Variants in NRM observed in about 807,000 individuals in gnomAD.
NRM encodes nuclear rim protein.
NRM carries 19 observed loss-of-function variants against 23.4 expected under a neutral mutation model. That is an observed-to-expected ratio of 0.81 (90% confidence interval 0.57 to 1.19). The LOEUF is 1.19. Ranked by LOEUF, NRM falls within the 50% of genes most tolerant of loss-of-function variation. NRM has a pLI of 0.00. For synonymous variants in NRM, 140 were observed against 143.5 expected (o/e 0.98, Z 0.17); for missense variants, 232 against 329.7 (o/e 0.70, Z 2.30).
rs1771477929 is a variant in NRM, at chr6:30,690,308, T to C, written c.134-65A>G. ...CAGTGGCAGAATGTTTCCCCCACCC[T>C]CATCTCCTCTTGGATCCCCAGGCCA... On this transcript the variant is annotated intron_variant, in intron 1 of 3. Coordinates refer to ENST00000376421, the MANE Select transcript of NRM (RefSeq NM_001384369.1). The surrounding 1 kb of genome is among the most constrained non-coding windows in gnomAD (Gnocchi z 5.5). 2.9e-6 allele frequency: 4 copies of C among 1,395,026 alleles called. No individual in the cohort carries two copies. In the East Asian group the frequency reaches 7.1e-5, roughly 25 times the overall value. 86.4% of individuals were successfully genotyped at this position (1,395,026 alleles called of 1,614,324 possible).
chr6:30,690,320 G>A lies in NRM; in HGVS notation c.134-77C>T. 1 of 1,307,766 alleles carries A rather than the reference G, an allele frequency of 7.6e-7. No individual in the cohort carries two copies. The allele number at this position is 1,307,766 out of a possible 1,614,324, so 81.0% of individuals were successfully genotyped here. On this transcript the variant is annotated intron_variant, in intron 1 of 3. Coordinates refer to ENST00000376421, the MANE Select transcript of NRM (RefSeq NM_001384369.1). This position sits in a 1 kb window ranked among gnomAD's most constrained non-coding sequence, Gnocchi z 5.5. ...GTTTCCCCCACCCTCATCTCCTCTT[G>A]GATCCCCAGGCCATGTCCCTTACTG...
rs2127627336 is a variant in NRM at position 30,690,658 on chromosome 6, T to G, written c.133+184A>C. 1 of 1,596,804 alleles carries G rather than the reference T, an allele frequency of 6.3e-7. No homozygotes were observed. Among genetic ancestry groups the G allele is most frequent in the Middle Eastern group, 1.7e-4 (1 of 6,028 alleles). On this transcript the variant is annotated intron_variant, in intron 1 of 3. Transcript: ENST00000376421. The surrounding 1 kb of genome is among the most constrained non-coding windows in gnomAD (Gnocchi z 5.5). ...CCTCACTCTCCCGCCTCTCCAAAAC[T>G]CTAATCCTTGAGTTCCTAATTTAGA...
At position 30,690,055 on chromosome 6, in the gene NRM, C is replaced by T; in HGVS notation, c.322G>A (p.Ala108Thr). The T allele has an allele frequency of 6.2e-7, 1 of 1,608,356 alleles. No individual in the cohort carries two copies. The highest frequency in any genetic ancestry group is 8.5e-7 in the Non-Finnish European group (1 of 1,178,464). Residue 108 changes from alanine (A) to threonine (T), a missense_variant, in exon 2 of 4, where the codon GCC becomes ACC. Physicochemically the swap from Ala to Thr is moderately conservative, Grantham distance 58. Coordinates refer to ENST00000376421, the MANE Select transcript of NRM (RefSeq NM_001384369.1). This position sits in a 1 kb window ranked among gnomAD's most constrained non-coding sequence, Gnocchi z 5.5. ...RSLYVACTALALQLVMRYWEP... is the reference protein window; with the variant it reads ...RSLYVACTALTLQLVMRYWEP... Reference sequence around the variant, plus strand: ...AGGCCAGGGCCTCATACCTGCAAGGCCAGGGCAGTGCAGGCCACATACAGT... The same window carrying T: ...AGGCCAGGGCCTCATACCTGCAAGGTCAGGGCAGTGCAGGCCACATACAGT...
Position 30,689,464 on chromosome 6 carries a change from T to C in NRM, c.331-12A>G. 6.4e-7 allele frequency: 1 copy of C among 1,561,446 alleles called. No individual in the cohort carries two copies. Among genetic ancestry groups the C allele is most frequent in the East Asian group, 2.4e-5 (1 of 41,770 alleles). On this transcript the variant is annotated splice_polypyrimidine_tract_variant and intron_variant, in intron 2 of 3. Coordinates refer to ENST00000376421, the MANE Select transcript of NRM (RefSeq NM_001384369.1). This position sits in a 1 kb window ranked among gnomAD's most constrained non-coding sequence, Gnocchi z 4.7. ...TACCGCATCACCAGCTGTGGAAGGA[T>C]AAGGGGCTGGGTATCCCAGTGGCCT... is the stretch of plus-strand genomic sequence containing the variant.
At position 30,690,465 on chromosome 6, in the gene NRM, C is replaced by T; in HGVS notation, c.134-222G>A. ...GGGGAAGAGGATTTATAGAACACCA[C>T]ATGTTAGGCAGTTGCAAAAAGCATG... On this transcript the variant is annotated intron_variant, in intron 1 of 3. Coordinates refer to ENST00000376421, the MANE Select transcript of NRM (RefSeq NM_001384369.1). The surrounding 1 kb of genome is among the most constrained non-coding windows in gnomAD (Gnocchi z 5.5). The T allele has an allele frequency of 7.7e-7, 1 of 1,302,412 alleles. No individual in the cohort carries two copies. 80.7% of individuals were successfully genotyped at this position (1,302,412 alleles called of 1,614,324 possible). A position where few individuals can be genotyped will look rare whatever the true frequency, so the allele number is the denominator to read the frequency against.
Position 30,690,812 on chromosome 6 carries a change from C to T in NRM, c.133+30G>A. The T allele has an allele frequency of 6.2e-7, 1 of 1,613,024 alleles. No homozygotes were observed. Among genetic ancestry groups the T allele is most frequent in the Non-Finnish European group, 8.5e-7 (1 of 1,179,974 alleles). ...TCTCCTACGGCTCCACCTTCCTCCT[C>T]CCAGTTCATCCTCGATCCCTCCCGC... On this transcript the variant is annotated intron_variant, in intron 1 of 3. Transcript: ENST00000376421. The surrounding 1 kb of genome is among the most constrained non-coding windows in gnomAD (Gnocchi z 5.5).
Position 30,690,250 on chromosome 6 carries a change from GA to G in NRM, c.134-8del. ...AGCCATCCCTGGCGGGCATCTACAG[GA>G]AGTTGAGGGAAAAAGAGACAAAAGA... On this transcript the variant is annotated splice_polypyrimidine_tract_variant and splice_region_variant and intron_variant, in intron 1 of 3. Transcript: ENST00000376421. The surrounding 1 kb of genome is among the most constrained non-coding windows in gnomAD (Gnocchi z 5.5). The G allele has an allele frequency of 6.4e-6, 10 of 1,564,454 alleles. No individual in the cohort carries two copies. Among genetic ancestry groups the G allele is most frequent in the Non-Finnish European group, 8.6e-6 (10 of 1,162,768 alleles).
At position 30,688,885 on chromosome 6, in the gene NRM, G is replaced by A; in HGVS notation, c.565C>T (p.Leu189Phe). The change falls in exon 4 of 4, where the codon CTC becomes TTC. Residue 189 changes from leucine (L) to phenylalanine (F), a missense_variant. Coordinates refer to ENST00000376421, the MANE Select transcript of NRM (RefSeq NM_001384369.1). This position sits in a 1 kb window ranked among gnomAD's most constrained non-coding sequence, Gnocchi z 5.9. ...EPLALKSPRA[L>F]RLFSHLRHPV... ...TGGCGCAGGTGGGAGAAGAGTCTGA[G>A]AGCCCGGGGAGACTTCAGGGCCAGA... 6.2e-7 allele frequency: 1 copy of A among 1,613,858 alleles called. No individual in the cohort carries two copies. Among genetic ancestry groups the A allele is most frequent in the Non-Finnish European group, 8.5e-7 (1 of 1,179,986 alleles).
Position 30,688,979 on chromosome 6 carries a change from C to G in NRM, c.508-37G>C, listed in dbSNP as rs1445620610. On this transcript the variant is annotated intron_variant, in intron 3 of 3. Coordinates refer to ENST00000376421, the MANE Select transcript of NRM (RefSeq NM_001384369.1). The surrounding 1 kb of genome is among the most constrained non-coding windows in gnomAD (Gnocchi z 5.9). ...AGAAGAGCTTAGAAATGGAGTCAAGCCCTTTTCTCATCTTGGGCACTTCTT... is the reference window on the plus strand; with the variant it reads ...AGAAGAGCTTAGAAATGGAGTCAAGGCCTTTTCTCATCTTGGGCACTTCTT... 1 of 1,583,566 alleles carries G rather than the reference C, an allele frequency of 6.3e-7. No homozygotes were observed. Among genetic ancestry groups the G allele is most frequent in the Non-Finnish European group, 8.6e-7 (1 of 1,163,894 alleles).
rs1376084836 is a variant in NRM at position 30,689,813 on chromosome 6, TAAAC to T, written c.330+230_330+233del. Among the ~76,000 whole-genome samples, 2 of 152,096 alleles carry T rather than the reference TAAAC, an allele frequency of 1.3e-5. No homozygotes were observed. The highest frequency in any genetic ancestry group is 6.6e-5 in the Admixed American group (1 of 15,262). ...AAGAGAAGGGATCTCAAGCAGGACA[TAAAC>T]AAAGTTGCAGAGGTGAGAAGCATAT... On this transcript the variant is annotated intron_variant, in intron 2 of 3. Transcript: ENST00000376421. The surrounding 1 kb of genome is among the most constrained non-coding windows in gnomAD (Gnocchi z 4.7).
rs1266430353 is a variant in NRM, at chr6:30,688,460, T to A, written c.*201A>T. ...CCCACTCTTCCTTGCTGGTGAGAAG[T>A]GGACCTTGGAGTTCAGTGGCTGAAA... On this transcript the variant is annotated 3_prime_UTR_variant, in exon 4 of 4. Transcript: ENST00000376421. The surrounding 1 kb of genome is among the most constrained non-coding windows in gnomAD (Gnocchi z 5.9). 8.0e-6 allele frequency: 5 copies of A among 623,600 alleles called. No homozygotes were observed. The highest frequency in any genetic ancestry group is 1.4e-5 in the Non-Finnish European group (5 of 358,482). 38.6% of individuals were successfully genotyped at this position (623,600 alleles called of 1,614,324 possible). A position where few individuals can be genotyped will look rare whatever the true frequency, so the allele number is the denominator to read the frequency against.
At position 30,688,600 on chromosome 6, in the gene NRM, T is replaced by G; in HGVS notation, c.*61A>C. The G allele has an allele frequency of 1.3e-6, 2 of 1,559,066 alleles. No individual in the cohort carries two copies. Among genetic ancestry groups the G allele is most frequent in the Non-Finnish European group, 1.7e-6 (2 of 1,145,868 alleles). On this transcript the variant is annotated 3_prime_UTR_variant, in exon 4 of 4. Transcript: ENST00000376421. This position sits in a 1 kb window ranked among gnomAD's most constrained non-coding sequence, Gnocchi z 5.9. ...TGGCATGAAGCAGCCAGGGCCTGGA[T>G]GTTAAGGATTTAGAATTCAGTGGGA...
chr6:30,690,491 G>T lies in NRM; in HGVS notation c.134-248C>A. ...ATGTTAGGCAGTTGCAAAAAGCATGGCTGGAGAGGCCACGCTGGATTGCCC... is the reference window on the plus strand; with the variant it reads ...ATGTTAGGCAGTTGCAAAAAGCATGTCTGGAGAGGCCACGCTGGATTGCCC... On this transcript the variant is annotated intron_variant, in intron 1 of 3. Transcript: ENST00000376421. The surrounding 1 kb of genome is among the most constrained non-coding windows in gnomAD (Gnocchi z 5.5). 6.8e-7 allele frequency: 1 copy of T among 1,460,366 alleles called. No individual in the cohort carries two copies. The allele number at this position is 1,460,366 out of a possible 1,614,324, so 90.5% of individuals were successfully genotyped here.
Position 30,688,592 on chromosome 6 carries a change from G to A in NRM, c.*69C>T, listed in dbSNP as rs1771195946. The A allele has an allele frequency of 8.4e-6, 13 of 1,549,190 alleles. No homozygotes were observed. Among genetic ancestry groups the A allele is most frequent in the Non-Finnish European group, 8.8e-7 (1 of 1,140,606 alleles). Reference sequence around the variant, plus strand: ...TGGGCCTCTGGCATGAAGCAGCCAGGGCCTGGATGTTAAGGATTTAGAATT... The same window carrying A: ...TGGGCCTCTGGCATGAAGCAGCCAGAGCCTGGATGTTAAGGATTTAGAATT... On this transcript the variant is annotated 3_prime_UTR_variant, in exon 4 of 4. Transcript: ENST00000376421. This position sits in a 1 kb window ranked among gnomAD's most constrained non-coding sequence, Gnocchi z 5.9.
chr6:30,689,993 C>G lies in NRM; in HGVS notation c.330+54G>C, dbSNP rs573481806. On this transcript the variant is annotated intron_variant, in intron 2 of 3. Coordinates refer to ENST00000376421, the MANE Select transcript of NRM (RefSeq NM_001384369.1). The surrounding 1 kb of genome is among the most constrained non-coding windows in gnomAD (Gnocchi z 4.7). ...ACGGCACCCCTCCCACACTTGGTCTCCCTTGGGGACTCAACTGCCAGGATT... is the reference window on the plus strand; with the variant it reads ...ACGGCACCCCTCCCACACTTGGTCTGCCTTGGGGACTCAACTGCCAGGATT... 1 of 1,574,426 alleles carries G rather than the reference C, an allele frequency of 6.4e-7. No individual in the cohort carries two copies. Among genetic ancestry groups the G allele is most frequent in the East Asian group, 2.3e-5 (1 of 43,000 alleles).
Position 30,690,776 on chromosome 6 carries a change from C to A in NRM, c.133+66G>T, listed in dbSNP as rs1771547321. 6.2e-7 allele frequency: 1 copy of A among 1,612,194 alleles called. No homozygotes were observed. Among genetic ancestry groups the A allele is most frequent in the Admixed American group, 1.7e-5 (1 of 59,978 alleles). ...CCCTGTCATTTGTTTCCAAGCCCCG[C>A]CCTCAATCCCTCTCCTACGGCTCCA... On this transcript the variant is annotated intron_variant, in intron 1 of 3. Transcript: ENST00000376421. This position sits in a 1 kb window ranked among gnomAD's most constrained non-coding sequence, Gnocchi z 5.5.
chr6:30,691,090 C>G (rs970387176), upstream of NRM: 1 of 1,240,484 alleles, frequency 8.1e-7, no homozygotes, highest in Non-Finnish European at 1.1e-6. Flanking sequence ...CTCCTGCACG[C>G]CACCGCCAGG....
At position 30,689,479 on chromosome 6, in the gene NRM, C is replaced by G. The variant is rs1396136785; in HGVS notation, c.331-27G>C. On this transcript the variant is annotated intron_variant, in intron 2 of 3. Transcript: ENST00000376421. The surrounding 1 kb of genome is among the most constrained non-coding windows in gnomAD (Gnocchi z 4.7). ...TGTGGAAGGATAAGGGGCTGGGTAT[C>G]CCAGTGGCCTAGTCTGCCCGACCTT... 6.5e-7 allele frequency: 1 copy of G among 1,544,882 alleles called. No homozygotes were observed. The highest frequency in any genetic ancestry group is 8.7e-7 in the Non-Finnish European group (1 of 1,144,762).
rs1485801809 is a variant in NRM, at chr6:30,688,918, C to G, written c.532G>C (p.Gly178Arg). 1 of 1,613,008 alleles carries G rather than the reference C, an allele frequency of 6.2e-7. No homozygotes were observed. Among genetic ancestry groups the G allele is most frequent in the Non-Finnish European group, 8.5e-7 (1 of 1,179,876 alleles). Reference protein sequence around the residue: ...KQVYYHVLGLGEPLALKSPRA... With the variant: ...KQVYYHVLGLREPLALKSPRA... Reference sequence around the variant, plus strand: ...GGAGACTTCAGGGCCAGAGGCTCGCCCAGCCCCAGCACATGGTAGTATACC... The same window carrying G: ...GGAGACTTCAGGGCCAGAGGCTCGCGCAGCCCCAGCACATGGTAGTATACC... The change falls in exon 4 of 4, where the codon GGC (glycine) becomes CGC (arginine). Residue 178 changes from glycine to arginine, a missense_variant. Transcript: ENST00000376421. The surrounding 1 kb of genome is among the most constrained non-coding windows in gnomAD (Gnocchi z 5.9).
Sources: gnomAD v4.1 joint callset for allele counts (sites outside exome capture counted in the v4.1 genomes callset) on GRCh38, gnomAD v4.1.1 for gene constraint, Gnocchi (gnomAD v3.1) non-coding constraint, MANE v1.5 for transcripts, NCBI Gene and HGNC (gene_info 2026-07-23, HGNC 2026-07-21) for gene names.